Variants in TRAPPC9 observed in about 807,000 individuals in gnomAD.
The protein encoded by TRAPPC9 is IKK2 binding protein.
Under a neutral mutation model 124.0 loss-of-function variants are expected in TRAPPC9, and 83 were observed. The observed-to-expected ratio is 0.67, with a 90% CI of 0.56 to 0.80. The LOEUF is 0.80. Among genes scored for constraint, TRAPPC9 ranks in the 30% least tolerant of loss-of-function variants. The probability of loss-of-function intolerance (pLI) is 0.00; values close to 1 mark genes in which losing one functional copy is unlikely to be tolerated. For synonymous variants in TRAPPC9, 638 were observed against 617.5 expected, an observed-to-expected ratio of 1.03 and a Z score of -0.49; for missense variants, 1,302 against 1,508.3, an observed-to-expected ratio of 0.86 and a Z score of 2.27.
chr8:139,761,899 CT>C (rs1820257026), intron 21 of TRAPPC9, among the ~76,000 whole-genome samples: 1 of 151,670 alleles, frequency 6.6e-6, no homozygotes, highest in Non-Finnish European at 1.5e-5. Flanking sequence ...TCTCCCCTGA[CT>C]CCCCCTTGTT....
intron 21 of TRAPPC9, among the ~76,000 whole-genome samples, chr8:139,847,593 G>C (rs1262104524): frequency 6.7e-6 from 1 of 148,770 alleles, no homozygotes; most frequent in African/African-American, 2.5e-5. Flanking sequence ...ATGGGCACGA[G>C]CACCTGCCTC....
At chr8:139,747,904 G>T (rs180695221) in intron 21 of TRAPPC9, among the ~76,000 whole-genome samples, 1 of 81,706 alleles carries the variant, frequency 1.2e-5, no homozygotes, top group Non-Finnish European at 2.3e-5. Flanking sequence ...GAGCAGGTAG[G>T]GGGGGCATAC....
intron 6 of TRAPPC9, among the ~76,000 whole-genome samples, chr8:140,404,877 T>G (rs956536262): frequency 6.7e-6 from 1 of 149,510 alleles, no homozygotes; most frequent in Non-Finnish European, 1.5e-5. Context: ...CATGCGCGTG[T>G]AAGTGCATGT....
At chr8:140,058,174 T>G (rs550013943) in intron 17 of TRAPPC9, among the ~76,000 whole-genome samples, 2 of 152,280 alleles carry the variant, frequency 1.3e-5, no homozygotes, top group South Asian at 4.2e-4. Flanking sequence ...TCAGCAATGG[T>G]GGAACATTAA....
intron 17 of TRAPPC9, among the ~76,000 whole-genome samples, chr8:140,165,476 T>G (rs868719111): frequency 6.7e-5 from 10 of 149,636 alleles, no homozygotes; most frequent in Admixed American, 5.3e-4. Flanking sequence ...GAGATGGAGG[T>G]TGCAGTGAGC....
chr8:139,921,194 C>T lies in TRAPPC9; in HGVS notation c.2811-10894G>A, dbSNP rs535525338. Among the ~76,000 whole-genome samples, 9 of 152,340 alleles carry T rather than the reference C, an allele frequency of 5.9e-5. 1 individual carries two copies. The highest frequency in any genetic ancestry group is 6.8e-3 in the Middle Eastern group (2 of 294). On this transcript the variant is annotated intron_variant, in intron 19 of 22. Transcript: ENST00000438773. ...GAGGCCCTGCAGTCTCACCATACCA[C>T]GCGACTCCTCCCGCTAATGTGTGAG...
At chr8:140,263,895 C>CG (rs1298539162) in intron 15 of TRAPPC9, among the ~76,000 whole-genome samples, 1 of 152,202 alleles carries the variant, frequency 6.6e-6, no homozygotes, top group African/African-American at 2.4e-5. Context: ...TCAGCTCCAT[C>CG]TCTACCTCTG....
chr8:140,339,199 T>C (rs554805568), intron 9 of TRAPPC9, among the ~76,000 whole-genome samples: 65 of 151,778 alleles, frequency 4.3e-4, no homozygotes, highest in Admixed American at 1.3e-3. Flanking sequence ...TCTCTGGCCT[T>C]ACAGCCACCT....
intron 17 of TRAPPC9, among the ~76,000 whole-genome samples, chr8:140,184,225 A>G (rs2062298919): frequency 6.6e-6 from 1 of 152,100 alleles, no homozygotes; most frequent in Non-Finnish European, 1.5e-5. Flanking sequence ...ACACTAGTCT[A>G]ATTTACCGAA....
rs74577579 is a variant in TRAPPC9, at chr8:139,888,321, C to G, written c.2965-2352G>C. 4.8e-3 allele frequency among the ~76,000 whole-genome samples: 733 copies of G among 152,334 alleles called. 9 individuals are homozygous for G. The highest frequency in any genetic ancestry group is 0.017 in the African/African-American group (715 of 41,568). ...GCCCAACTTTGAATCCTGGCACCCC[C>G]ACGAATGAGCTTTGGTTAATTTACT... On this transcript the variant is annotated intron_variant, in intron 20 of 22. Transcript: ENST00000438773.
intron 9 of TRAPPC9, among the ~76,000 whole-genome samples, chr8:140,352,362 T>C (rs765539029): frequency 3.1e-4 from 47 of 152,224 alleles, no homozygotes; most frequent in Non-Finnish European, 5.9e-5. Flanking sequence ...AGAGAGGCAC[T>C]GCATAGCGAC....
chr8:139,894,594 C>T (rs1177641719), intron 20 of TRAPPC9, among the ~76,000 whole-genome samples: 2 of 152,152 alleles, frequency 1.3e-5, no homozygotes, highest in African/African-American at 4.8e-5. Context: ...TCCCTTGCAG[C>T]CCCCACAGAA....
At position 139,743,079 on chromosome 8, in the gene TRAPPC9, G is replaced by A. The variant is rs540097640; in HGVS notation, c.3056-10877C>T. ...TGGAAGGTGGTGGGGTGAGGCTACC[G>A]TGGGCTTCTTAGGTGGTTGAAGGAA... On this transcript the variant is annotated intron_variant, in intron 21 of 22. Transcript: ENST00000438773. Among the ~76,000 whole-genome samples, 27 of 152,298 alleles carry A rather than the reference G, an allele frequency of 1.8e-4. 1 individual carries two copies. Among genetic ancestry groups the A allele is most frequent in the Admixed American group, 1.5e-3 (23 of 15,294 alleles).
chr8:140,102,473 CCACACACACA>C lies in TRAPPC9; in HGVS notation c.2557-78404_2557-78395del, dbSNP rs60084618. Among the ~76,000 whole-genome samples the C allele has an allele frequency of 9.2e-3, 1,373 of 149,368 alleles. 24 individuals are homozygous for C. Among genetic ancestry groups the C allele is most frequent in the African/African-American group, 0.031 (1,278 of 40,914 alleles). On this transcript the variant is annotated intron_variant, in intron 17 of 22. Transcript: ENST00000438773. ...TAAATAAAATACCAGCCTCCCCCCA[CCACACACACA>C]CACACACACACGCATGCACGCACAC...
chr8:140,379,825 G>A (rs564487677), intron 7 of TRAPPC9, among the ~76,000 whole-genome samples: 1 of 152,326 alleles, frequency 6.6e-6, no homozygotes, highest in African/African-American at 2.4e-5. Flanking sequence ...TGACAGTAAT[G>A]TAAGATGCCT....
At chr8:140,218,216 C>A (rs1461727235) in intron 17 of TRAPPC9, among the ~76,000 whole-genome samples, 1 of 152,104 alleles carries the variant, frequency 6.6e-6, no homozygotes, top group African/African-American at 2.4e-5. Context: ...TTAGTAGGCC[C>A]AAAGGAACAT....
intron 17 of TRAPPC9, among the ~76,000 whole-genome samples, chr8:140,150,515 T>C (rs2061528079): frequency 6.6e-6 from 1 of 152,178 alleles, no homozygotes; most frequent in South Asian, 2.1e-4. Flanking sequence ...CCTCATTTTG[T>C]AGATGAGGAA....
intron 10 of TRAPPC9, among the ~76,000 whole-genome samples, chr8:140,310,284 G>A (rs941958212): frequency 3.9e-5 from 6 of 152,138 alleles, no homozygotes; most frequent in African/African-American, 9.7e-5. Context: ...CAGCAGGCCC[G>A]TGAGTCAAAG....
intron 11 of TRAPPC9, among the ~76,000 whole-genome samples, chr8:140,297,351 C>CACACACACAT (rs754507187): frequency 2.6e-5 from 4 of 151,978 alleles, no homozygotes; most frequent in African/African-American, 7.3e-5. Context: ...CATGCATAGA[C>CACACACACAT]ACACACACAT....
Sources: gnomAD v4.1 joint callset for allele counts (sites outside exome capture counted in the v4.1 genomes callset) on GRCh38, gnomAD v4.1.1 for gene constraint, MANE v1.5 for transcripts, NCBI Gene and HGNC (gene_info 2026-07-23, HGNC 2026-07-21) for gene names.